The following ASPM variants were observed in gnomAD, a reference collection of about 807,000 sequenced individuals.
ASPM encodes assembly factor for spindle microtubules.
In ASPM, 256 loss-of-function variants were observed where a neutral mutation model predicts 366.4. The observed-to-expected ratio is 0.70, with a 90% CI of 0.63 to 0.77. The LOEUF is 0.77. Among genes scored for constraint, ASPM ranks in the 30% least tolerant of loss-of-function variants. The pLI, the probability that ASPM is intolerant of heterozygous loss-of-function variation, is 0.00. For missense variants in ASPM, 4,146 were observed against 4,090.4 expected (o/e 1.01, Z -0.37); for synonymous variants, 1,414 against 1,342.9 (o/e 1.05, Z -1.16).
At position 197,102,660 on chromosome 1, in the gene ASPM, C is replaced by G; in HGVS notation, c.6591G>C (p.Gln2197His). The G allele has an allele frequency of 6.2e-7, 1 of 1,612,678 alleles. No homozygotes were observed. The highest frequency in any genetic ancestry group is 8.5e-7 in the Non-Finnish European group (1 of 1,179,236). ...RKMQTAATLI[Q>H]SNYRRYRQQT... ...GCTGTCTGTATCTTCTGTAGTTTGA[C>G]TGAATGAGTGTTGCTGCAGTCTGCA... Residue 2197 changes from glutamine (Q) to histidine (H), a missense_variant, in exon 18 of 28, where the codon CAG becomes CAC. Gln to His is a conservative substitution (Grantham distance 24, BLOSUM62 0). Around this residue, in one of 3 missense-constraint regions of ASPM, gnomAD observed 3,624 missense variants for 3,591.7 expected, o/e 1.01. Coordinates refer to ENST00000367409, the MANE Select transcript of ASPM (RefSeq NM_018136.5).
chr1:197,135,313 A>G, intron 4 of ASPM, 71 bp from the exon 5 acceptor site: 1 of 1,419,244 alleles, frequency 7.0e-7, no homozygotes, highest in Non-Finnish European at 1.0e-6. Context: ...AGCAAAAGTC[A>G]TTTTTACTAG....
intron 20 of ASPM, 94 bp downstream of exon 20, chr1:197,093,990 G>C: frequency 1.2e-6 from 1 of 848,592 alleles, no homozygotes; most frequent in South Asian, 1.8e-5. Flanking sequence ...TTCCAGCGAA[G>C]GATTTATTTT....
rs775158833 is a variant in ASPM at position 197,135,207 on chromosome 1, T to G, written c.2062A>C (p.Asn688His). The G allele has an allele frequency of 1.4e-5, 23 of 1,613,942 alleles. No individual in the cohort carries two copies. The highest frequency in any genetic ancestry group is 1.9e-5 in the Non-Finnish European group (22 of 1,179,968). ...PRHPMPFAAK[N>H]MFYDERWKEK... ...TTCCAGCGTTCATCATAAAACATGT[T>G]TTTTGCAGCAAATGGCATCGGGTGT... is the stretch of plus-strand genomic sequence containing the variant. The change falls in exon 5 of 28, where the codon AAC becomes CAC. Residue 688 changes from asparagine to histidine, a missense_variant. By Grantham distance (68) the Asn-to-His change is moderately conservative. Around this residue, in one of 3 missense-constraint regions of ASPM, gnomAD observed 3,624 missense variants for 3,591.7 expected, o/e 1.01. Transcript: ENST00000367409.
chr1:197,122,144 T>G lies in ASPM; in HGVS notation c.3741+15A>C. ...TATTATTGAATTAATAATTAGAAAC[T>G]CTTCTTTTACTTACCTTTTCATCTG... On this transcript the variant is annotated intron_variant, in intron 15 of 27. Coordinates refer to ENST00000367409, the MANE Select transcript of ASPM (RefSeq NM_018136.5). 1 of 1,601,416 alleles carries G rather than the reference T, an allele frequency of 6.2e-7. No homozygotes were observed. The highest frequency in any genetic ancestry group is 8.6e-7 in the Non-Finnish European group (1 of 1,169,210).
At position 197,121,909 on chromosome 1, in the gene ASPM, G is replaced by C. The variant is rs568471060; in HGVS notation, c.3870+6C>G. ...ACACTATAGTAGTTTCATATTCTAG[G>C]AGTACCTGATGGCGTTTGAGATCTG... On this transcript the variant is annotated splice_donor_region_variant and intron_variant, in intron 16 of 27. Transcript: ENST00000367409. 6.2e-7 allele frequency: 1 copy of C among 1,603,912 alleles called. No homozygotes were observed. The highest frequency in any genetic ancestry group is 1.3e-5 in the African/African-American group (1 of 74,560).
chr1:197,144,218 C>A, intron 1 of ASPM, 118 bp from the exon 2 acceptor site: 1 of 682,198 alleles, frequency 1.5e-6, no homozygotes, highest in East Asian at 2.8e-5. Flanking sequence ...ACTCTATATA[C>A]TAAACATTTA....
In ASPM at chr1:197,103,448, T is replaced by C. The variant is rs370181630; in HGVS notation, c.5803A>G (p.Thr1935Ala). ...LVIQQNFRAW[T>A]AGRKQCMEYI... ...TCCATACATTGCTTCCTTCCTGCAG[T>C]CCATGCTCTGAAATTTTGCTGGATG... Residue 1935 changes from threonine (T) to alanine (A), a missense_variant, in exon 18 of 28, where the codon ACT (threonine) becomes GCT (alanine). Thr to Ala is a moderately conservative substitution (Grantham distance 58). Coordinates refer to ENST00000367409, the MANE Select transcript of ASPM (RefSeq NM_018136.5). The C allele has an allele frequency of 1.9e-6, 3 of 1,613,290 alleles. No homozygotes were observed. The African/African-American group carries it at 4.0e-5, about 22-fold the overall frequency.
intron 8 of ASPM, 76 bp downstream of exon 8, chr1:197,129,839 A>T: frequency 6.5e-7 from 1 of 1,543,010 alleles, no homozygotes; most frequent in South Asian, 1.1e-5. Context: ...GGAAAATGTA[A>T]ACAGAAACAG....
At chr1:197,117,733 A>T in intron 17 of ASPM, 56 bp downstream of exon 17, 2 of 1,457,658 alleles carry the variant, frequency 1.4e-6, no homozygotes, top group Non-Finnish European at 1.9e-6. Context: ...TTGCCTTCTT[A>T]CTTAAAAAAG....
Position 197,086,952 on chromosome 1 carries a change from T to C in ASPM, c.10182A>G (p.Lys3394=). The C allele has an allele frequency of 6.2e-7, 1 of 1,609,842 alleles. No homozygotes were observed. Among genetic ancestry groups the C allele is most frequent in the Non-Finnish European group, 8.5e-7 (1 of 1,179,454 alleles). ...NRASDVRSRS[K]VVDRIYSLYK... ...AGAGACTGTAAATACGGTCAACAAC[T>C]TTGGACCTACTTCGTACATCCTACA... Residue 3394 remains lysine, a synonymous_variant, in exon 27 of 28, where the codon AAA becomes AAG. Transcript: ENST00000367409.
chr1:197,111,907 T>C lies in ASPM; in HGVS notation c.4065+5882A>G, dbSNP rs564967784. Among the ~76,000 whole-genome samples the C allele has an allele frequency of 5.5e-4, 84 of 152,294 alleles. 1 individual carries two copies. In the South Asian group the frequency reaches 0.017, roughly 31 times the overall value. On this transcript the variant is annotated intron_variant, in intron 17 of 27. Transcript: ENST00000367409. ...GAGAAAAAGGAATGCTTATACACTG[T>C]TGGTGGGAGTATAAATTAGCTCAAC...
At chr1:197,138,188 T>C (rs908064774) in intron 4 of ASPM, among the ~76,000 whole-genome samples, 2 of 152,242 alleles carry the variant, frequency 1.3e-5, no homozygotes, top group African/African-American at 2.4e-5. Flanking sequence ...GTTACATGTT[T>C]ATTTTTTCAT....
intron 25 of ASPM, among the ~76,000 whole-genome samples, 192 bp downstream of exon 25, chr1:197,089,738 C>T (rs1447112770): frequency 6.6e-6 from 1 of 151,610 alleles, no homozygotes; most frequent in Non-Finnish European, 1.5e-5. Flanking sequence ...ATTATAAAGA[C>T]TGAGGAAATA....
intron 18 of ASPM, among the ~76,000 whole-genome samples, chr1:197,098,381 G>A (rs918134483): frequency 2.6e-5 from 4 of 151,476 alleles, no homozygotes; most frequent in African/African-American, 9.7e-5. Context: ...AAAATTCCAG[G>A]TGACTCCAAT....
rs1571602243 is a variant in ASPM, at chr1:197,104,397, A to C, written c.4854T>G (p.Ala1618=). ...CTAGAACTTTCATGGCAAAAATATA[A>C]GCTCGGAAATGAGTCTGAATTATAA... ...AAVIIQTHFR[A]YIFAMKVLAS... Residue 1618 remains alanine (A), a synonymous_variant, in exon 18 of 28, where the codon GCT becomes GCG. Coordinates refer to ENST00000367409, the MANE Select transcript of ASPM (RefSeq NM_018136.5). 6.2e-7 allele frequency: 1 copy of C among 1,612,986 alleles called. No homozygotes were observed. The highest frequency in any genetic ancestry group is 1.7e-5 in the Admixed American group (1 of 59,804).
chr1:197,142,014 A>C (rs949253728), intron 3 of ASPM, among the ~76,000 whole-genome samples: 1 of 152,126 alleles, frequency 6.6e-6, no homozygotes, highest in African/African-American at 2.4e-5. Flanking sequence ...TCAGTGGTTT[A>C]TTTGTTCATT....
Position 197,085,625 on chromosome 1 carries a change from T to C in ASPM, c.10331+1178A>G, listed in dbSNP as rs144223140. Among the ~76,000 whole-genome samples, 356 of 152,290 alleles carry C rather than the reference T, an allele frequency of 2.3e-3. 2 individuals are homozygous for C. Among genetic ancestry groups the C allele is most frequent in the African/African-American group, 8.0e-3 (331 of 41,568 alleles). On this transcript the variant is annotated intron_variant, in intron 27 of 27. Transcript: ENST00000367409. ...ACATGAACGAATTTCAAAAGCATTATGCTAAGGAAAAGAATCCAGTCACAA... is the reference window on the plus strand; with the variant it reads ...ACATGAACGAATTTCAAAAGCATTACGCTAAGGAAAAGAATCCAGTCACAA...
intron 17 of ASPM, among the ~76,000 whole-genome samples, chr1:197,106,731 C>T (rs995960230): frequency 2.6e-5 from 4 of 152,078 alleles, no homozygotes; most frequent in Non-Finnish European, 4.4e-5. Flanking sequence ...GAACACATTA[C>T]ATACAATTTT....
chr1:197,093,540 A>T (rs1266545028), intron 20 of ASPM, among the ~76,000 whole-genome samples: 1 of 151,876 alleles, frequency 6.6e-6, no homozygotes, highest in Non-Finnish European at 1.5e-5. Context: ...AGGGAAAAGG[A>T]CTAACATTAC....
Sources: allele counts gnomAD v4.1 joint callset (sites outside exome capture counted in the v4.1 genomes callset), GRCh38; gene constraint gnomAD v4.1.1; regional missense constraint gnomAD v4.1.1; transcripts MANE v1.5; gene names NCBI Gene and HGNC (gene_info 2026-07-23, HGNC 2026-07-21).